ETV6: variants seen among roughly 807,000 people sequenced by gnomAD.
ETV6 encodes transcription factor ETV6.
ETV6 carries 16 observed loss-of-function variants against 51.1 expected under a neutral mutation model. The ratio of observed to expected loss-of-function variants is 0.31; its 90% CI spans 0.21 to 0.48. The LOEUF (loss-of-function observed/expected upper bound fraction) is 0.48, where lower values mean the gene tolerates loss of function less well. Among genes scored for constraint, ETV6 ranks in the 20% least tolerant of loss-of-function variants. ETV6 has a pLI of 0.99. For missense variants in ETV6, 458 were observed against 594.8 expected (o/e 0.77, Z 2.39); for synonymous variants, 240 against 224.1 (o/e 1.07, Z -0.64).
At chr12:11,863,666 A>T (rs1349560576) in intron 4 of ETV6, among the ~76,000 whole-genome samples, 1 of 151,734 alleles carries the variant, frequency 6.6e-6, no homozygotes, top group Non-Finnish European at 1.5e-5. Flanking sequence ...TAGACAGAAG[A>T]CTCCTACATC....
At chr12:11,806,380 A>G (rs1945829933) in intron 2 of ETV6, among the ~76,000 whole-genome samples, 1 of 152,240 alleles carries the variant, frequency 6.6e-6, no homozygotes, top group South Asian at 2.1e-4. Context: ...ATTAGAGGTT[A>G]AAGGATAAGC....
chr12:11,717,764 A>G (rs1290857755), intron 1 of ETV6, among the ~76,000 whole-genome samples: 2 of 152,202 alleles, frequency 1.3e-5, no homozygotes, highest in African/African-American at 4.8e-5. Flanking sequence ...ATTGTTGTTG[A>G]TGATCATCGA....
chr12:11,764,304 T>C (rs1461216317), intron 2 of ETV6, among the ~76,000 whole-genome samples: 1 of 152,134 alleles, frequency 6.6e-6, no homozygotes, highest in Non-Finnish European at 1.5e-5. Context: ...GAAAACTAGA[T>C]GGAAAATCCA....
chr12:11,869,558 C>A lies in ETV6; in HGVS notation c.598C>A (p.Pro200Thr). The A allele has an allele frequency of 6.2e-7, 1 of 1,614,154 alleles. No homozygotes were observed. Among genetic ancestry groups the A allele is most frequent in the Non-Finnish European group, 8.5e-7 (1 of 1,180,014 alleles). The change falls in exon 5 of 8, where the codon CCC becomes ACC. Residue 200 changes from proline (P) to threonine (T), a missense_variant. Coordinates refer to ENST00000396373, the MANE Select transcript of ETV6 (RefSeq NM_001987.5). This position sits in a 1 kb window ranked among gnomAD's most constrained non-coding sequence, Gnocchi z 5.0. Reference sequence around the variant, plus strand: ...GCCTTCTCCTGACCCCGAGCAGCGGCCCCTCCGGTCCCCCCTGGACAACAT... The same window carrying A: ...GCCTTCTCCTGACCCCGAGCAGCGGACCCTCCGGTCCCCCCTGGACAACAT... The part of the protein sequence containing the change: ...HRPSPDPEQR[P>T]LRSPLDNMIR...
chr12:11,815,025 A>G (rs1348201750), intron 2 of ETV6, among the ~76,000 whole-genome samples: 1 of 152,130 alleles, frequency 6.6e-6, no homozygotes, highest in Non-Finnish European at 1.5e-5. Flanking sequence ...GCCCTAACAC[A>G]ACAGAAAATG....
chr12:11,876,397 G>A (rs906956099), intron 5 of ETV6, among the ~76,000 whole-genome samples: 2 of 152,188 alleles, frequency 1.3e-5, no homozygotes, highest in African/African-American at 4.8e-5. Flanking sequence ...GGAAGGCAAT[G>A]TCCTCTTGCT....
chr12:11,702,438 C>G (rs1865000934), intron 1 of ETV6, among the ~76,000 whole-genome samples: 1 of 152,130 alleles, frequency 6.6e-6, no homozygotes. Flanking sequence ...GCTTTCTACC[C>G]AACTGGGCAC....
intron 1 of ETV6, among the ~76,000 whole-genome samples, chr12:11,683,526 T>C (rs1489680615): frequency 6.6e-6 from 1 of 152,222 alleles, no homozygotes; most frequent in East Asian, 1.9e-4. Context: ...CCTTTTTTGA[T>C]GGACCCTAAC....
At chr12:11,881,663 C>G (rs1215619066) in intron 5 of ETV6, among the ~76,000 whole-genome samples, 2 of 152,174 alleles carry the variant, frequency 1.3e-5, no homozygotes, top group African/African-American at 4.8e-5. Flanking sequence ...CCAAAGGTAC[C>G]TTGGTAGTTA....
At chr12:11,721,974 T>C (rs975362602) in intron 1 of ETV6, among the ~76,000 whole-genome samples, 5 of 152,180 alleles carry the variant, frequency 3.3e-5, no homozygotes, top group African/African-American at 1.2e-4. Flanking sequence ...CCTGGCATTT[T>C]TGAGAGCTGT....
chr12:11,710,547 C>A (rs375238267), intron 1 of ETV6, among the ~76,000 whole-genome samples: 1 of 152,058 alleles, frequency 6.6e-6, no homozygotes, highest in African/African-American at 2.4e-5. Context: ...CCTGGTAGTC[C>A]GACTTTAGAG....
chr12:11,667,074 T>G (rs1032895388), intron 1 of ETV6, among the ~76,000 whole-genome samples: 5 of 152,202 alleles, frequency 3.3e-5, no homozygotes, highest in African/African-American at 1.2e-4. Flanking sequence ...AAGAAGCTGC[T>G]CAGGTAGGGG....
At chr12:11,792,591 G>A (rs1333581797) in intron 2 of ETV6, among the ~76,000 whole-genome samples, 1 of 152,022 alleles carries the variant, frequency 6.6e-6, no homozygotes, top group Non-Finnish European at 1.5e-5. Flanking sequence ...GGAGGCTGAG[G>A]TGGGAGAATT....
intron 1 of ETV6, among the ~76,000 whole-genome samples, chr12:11,718,266 C>G (rs539564399): frequency 2.0e-5 from 3 of 152,218 alleles, no homozygotes; most frequent in South Asian, 4.2e-4. Context: ...ACACCTCAGC[C>G]CAAAGCCTCA....
chr12:11,762,980 C>A (rs563114719), intron 2 of ETV6, among the ~76,000 whole-genome samples: 1 of 152,168 alleles, frequency 6.6e-6, no homozygotes, highest in African/African-American at 2.4e-5. Flanking sequence ...ACTCTTTCTC[C>A]TTCCTCCTCC....
chr12:11,671,611 T>A (rs975496000), intron 1 of ETV6, among the ~76,000 whole-genome samples: 5 of 152,122 alleles, frequency 3.3e-5, no homozygotes, highest in Admixed American at 6.5e-5. Flanking sequence ...CTAATATGTA[T>A]CAATAAAAAT....
intron 2 of ETV6, among the ~76,000 whole-genome samples, chr12:11,815,104 ATAGGATACCTACT>A (rs1176453736): frequency 1.3e-5 from 2 of 152,332 alleles, no homozygotes; most frequent in South Asian, 4.1e-4. Flanking sequence ...ACGCCCCAGA[ATAGGATACCTACT>A]TAGGACTTAG....
chr12:11,769,563 A>G (rs1439484148), intron 2 of ETV6, among the ~76,000 whole-genome samples: 4 of 152,184 alleles, frequency 2.6e-5, no homozygotes, highest in African/African-American at 4.8e-5. Context: ...AAGGGGAGAA[A>G]TGGTGTCATT....
chr12:11,781,559 A>T (rs2136369743), intron 2 of ETV6, among the ~76,000 whole-genome samples: 1 of 152,352 alleles, frequency 6.6e-6, no homozygotes, highest in Middle Eastern at 3.4e-3. Context: ...TTCGTCTAAT[A>T]TGTGCAAACT....
Sources: allele counts gnomAD v4.1 joint callset (sites outside exome capture counted in the v4.1 genomes callset), GRCh38; gene constraint gnomAD v4.1.1; non-coding constraint Gnocchi (gnomAD v3.1); transcripts MANE v1.5; gene names NCBI Gene and HGNC (gene_info 2026-07-23, HGNC 2026-07-21).